Variants in SPECC1L observed in about 807,000 individuals in gnomAD.
The protein encoded by SPECC1L is sperm antigen with calponin homology and coiled-coil domains 1 like, also known as cytospin-A.
In SPECC1L, 40 loss-of-function variants were observed where a neutral mutation model predicts 116.8. The ratio of observed to expected loss-of-function variants is 0.34; its 90% CI spans 0.27 to 0.45. The LOEUF is 0.45. SPECC1L is among the 20% of genes least tolerant of loss of function. SPECC1L has a pLI of 1.00. For synonymous variants in SPECC1L, 504 were observed against 500.6 expected, an observed-to-expected ratio of 1.01 and a Z score of -0.09; for missense variants, 1,110 against 1,373.6, an observed-to-expected ratio of 0.81 and a Z score of 3.03.
In SPECC1L at chr22:24,416,408, C is replaced by CT. The variant is rs1854938333; in HGVS notation, c.*1786dup. The CT allele has an allele frequency of 6.6e-6, 1 of 152,106 alleles. No homozygotes were observed. The highest frequency in any genetic ancestry group is 1.5e-5 in the Non-Finnish European group (1 of 68,032). 9.4% of individuals were successfully genotyped at this position (152,106 alleles called of 1,614,324 possible). A position where few individuals can be genotyped will look rare whatever the true frequency, so the allele number is the denominator to read the frequency against. ...CAGACTCCTGGCCCCGTCCCGCCCC[C>CT]TGTCTGAGTTGTGTTTTTGTTGCTG... On this transcript the variant is annotated 3_prime_UTR_variant, in exon 17 of 17. Coordinates refer to ENST00000314328, the MANE Select transcript of SPECC1L (RefSeq NM_015330.6).
At chr22:24,279,319 A>G (rs573788997) in intron 2 of SPECC1L, among the ~76,000 whole-genome samples, 32 of 151,920 alleles carry the variant, frequency 2.1e-4, no homozygotes, top group African/African-American at 7.5e-4. Context: ...GCTGACCTCT[A>G]CTCTGTTGGG....
rs2049323771 is a variant in SPECC1L, at chr22:24,299,077, A to G, written c.-37-3118A>G. Among the ~76,000 whole-genome samples, 3 of 152,232 alleles carry G rather than the reference A, an allele frequency of 2.0e-5. No individual in the cohort carries two copies. In the South Asian group the frequency reaches 6.2e-4, roughly 31 times the overall value. On this transcript the variant is annotated intron_variant, in intron 2 of 16. Coordinates refer to ENST00000314328, the MANE Select transcript of SPECC1L (RefSeq NM_015330.6). ...TGTAGCTGTGAAATTCAGTGATTCA[A>G]CTTAGAGATGTGGATTTCTGACCAT... is the stretch of plus-strand genomic sequence containing the variant.
intron 4 of SPECC1L, among the ~76,000 whole-genome samples, chr22:24,318,402 TCGCAGGCACTCGGCAGGCTGAGG>T: frequency 6.6e-6 from 1 of 151,932 alleles, no homozygotes; most frequent in Non-Finnish European, 1.5e-5. Context: ...GCGCCTGCAA[TCGCAGGCACTCGGCAGGCTGAGG>T]CAGGAGAATC....
At chr22:24,332,815 A>G (rs1366816826) in intron 8 of SPECC1L, among the ~76,000 whole-genome samples, 1 of 152,024 alleles carries the variant, frequency 6.6e-6, no homozygotes, top group Non-Finnish European at 1.5e-5. Context: ...TCTTAGTTTT[A>G]ATGTAATGGA....
intron 14 of SPECC1L, among the ~76,000 whole-genome samples, chr22:24,389,740 T>G (rs762849184): frequency 1.4e-4 from 22 of 152,210 alleles, no homozygotes; most frequent in Non-Finnish European, 2.9e-4. Context: ...AGCTCAGTCC[T>G]TCACAGCTTC....
At chr22:24,362,870 A>G (rs1401223451) in intron 11 of SPECC1L, among the ~76,000 whole-genome samples, 2 of 152,182 alleles carry the variant, frequency 1.3e-5, no homozygotes, top group African/African-American at 2.4e-5. Context: ...GGTTGTATAT[A>G]TTAATGTGTG....
At chr22:24,351,063 G>T (rs2330783) in intron 11 of SPECC1L, among the ~76,000 whole-genome samples, 5,117 of 152,250 alleles carry the variant, frequency 0.034, 176 homozygotes, top group African/African-American at 0.082. Context: ...CTCAGCTGAA[G>T]CCAACCCTCG....
At chr22:24,409,733 TAAAAG>T (rs1421505238) in intron 14 of SPECC1L, among the ~76,000 whole-genome samples, 1 of 152,184 alleles carries the variant, frequency 6.6e-6, no homozygotes, top group Non-Finnish European at 1.5e-5. Context: ...AGGTGCCCCT[TAAAAG>T]AAAGTCAAGG....
intron 14 of SPECC1L, 108 bp downstream of exon 14, chr22:24,369,428 A>G (rs964949438): frequency 6.9e-5 from 56 of 815,312 alleles, no homozygotes; most frequent in Non-Finnish European, 7.0e-5. Context: ...CTGACCTGGC[A>G]TGGTGGATCA....
At chr22:24,367,867 G>A (rs1030627322) in intron 13 of SPECC1L, among the ~76,000 whole-genome samples, 1 of 152,176 alleles carries the variant, frequency 6.6e-6, no homozygotes, top group African/African-American at 2.4e-5. Context: ...TGGGACTAGA[G>A]TCTCCACTTT....
At chr22:24,393,538 C>T (rs2042310551) in intron 14 of SPECC1L, among the ~76,000 whole-genome samples, 1 of 152,186 alleles carries the variant, frequency 6.6e-6, no homozygotes, top group South Asian at 2.1e-4. Flanking sequence ...TGGACTGTGC[C>T]TGGACTGTAT....
In SPECC1L at chr22:24,321,323, G is replaced by T; in HGVS notation, c.343G>T (p.Gly115Cys). The T allele has an allele frequency of 6.2e-7, 1 of 1,614,156 alleles. No homozygotes were observed. The highest frequency in any genetic ancestry group is 1.3e-5 in the African/African-American group (1 of 75,052). ...TTCAACCAAGCGGAGCACTTCTACA[G>T]GTAATAAAGAATCCAGTTCTACTAG... ...ASSTKRSTST[G>C]NKESSSTRER... Residue 115 changes from glycine (G) to cysteine (C), a missense_variant, in exon 5 of 17, where the codon GGT (glycine) becomes TGT (cysteine). Physicochemically the swap from Gly to Cys is radical, Grantham distance 159. Coordinates refer to ENST00000314328, the MANE Select transcript of SPECC1L (RefSeq NM_015330.6).
intron 1 of SPECC1L, among the ~76,000 whole-genome samples, chr22:24,276,258 TA>T (rs1226229837): frequency 6.6e-6 from 1 of 151,846 alleles, no homozygotes; most frequent in East Asian, 1.9e-4. Context: ...CCCTAGAACT[TA>T]AAGTATAATA....
intron 4 of SPECC1L, among the ~76,000 whole-genome samples, chr22:24,317,145 T>G (rs572841791): frequency 0.04 from 2,487 of 62,314 alleles, 280 homozygotes; most frequent in African/African-American, 0.15. Context: ...CTGACCCCCC[T>G]ACCTCCCTCC....
intron 14 of SPECC1L, among the ~76,000 whole-genome samples, chr22:24,404,492 A>G (rs1014202098): frequency 4.6e-5 from 7 of 152,160 alleles, no homozygotes; most frequent in African/African-American, 1.4e-4. Context: ...TGCCCACAGA[A>G]GCCAAGGCCC....
chr22:24,409,784 T>C (rs1047759059), intron 14 of SPECC1L, among the ~76,000 whole-genome samples: 1 of 152,268 alleles, frequency 6.6e-6, no homozygotes, highest in Non-Finnish European at 1.5e-5. Context: ...ATTTCACTGC[T>C]TTGGAGGCTG....
intron 2 of SPECC1L, among the ~76,000 whole-genome samples, chr22:24,288,778 A>AATTATAAG (rs2049101199): frequency 6.6e-6 from 1 of 151,964 alleles, no homozygotes; most frequent in African/African-American, 2.4e-5. Context: ...GGTGTCTGCC[A>AATTATAAG]CCACACTTGG....
chr22:24,356,273 A>C (rs917668347), intron 11 of SPECC1L, among the ~76,000 whole-genome samples: 1 of 150,972 alleles, frequency 6.6e-6, no homozygotes, highest in Non-Finnish European at 1.5e-5. Context: ...ATAGTCTTGA[A>C]CTCTGAAAGT....
At position 24,363,292 on chromosome 22, in the gene SPECC1L, G is replaced by T. The variant is rs1300653662; in HGVS notation, c.2775G>T (p.Arg925=). 1 of 1,614,114 alleles carries T rather than the reference G, an allele frequency of 6.2e-7. No homozygotes were observed. The highest frequency in any genetic ancestry group is 2.2e-5 in the East Asian group (1 of 44,888). Reference sequence around the variant, plus strand: ...TGTTAAGAACATCTTCAGCCAGCCGGCCTGCTTCCCTGCCAAGAGTGCCTG... The same window carrying T: ...TGTTAAGAACATCTTCAGCCAGCCGTCCTGCTTCCCTGCCAAGAGTGCCTG... ...EHLLRTSSAS[R]PASLPRVPAM... The change falls in exon 12 of 17, where the codon CGG becomes CGT. Residue 925 remains arginine, a synonymous_variant. Coordinates refer to ENST00000314328, the MANE Select transcript of SPECC1L (RefSeq NM_015330.6).
Sources: gnomAD v4.1 joint callset for allele counts (sites outside exome capture counted in the v4.1 genomes callset) on GRCh38, gnomAD v4.1.1 for gene constraint, MANE v1.5 for transcripts, NCBI Gene and HGNC (gene_info 2026-07-23, HGNC 2026-07-21) for gene names.